The following ASTN2 variants were observed in gnomAD, a reference collection of about 807,000 sequenced individuals.
The protein encoded by ASTN2 is astrotactin 2.
Under a neutral mutation model 139.8 loss-of-function variants are expected in ASTN2, and 54 were observed. The ratio of observed to expected loss-of-function variants is 0.39; its 90% confidence interval spans 0.31 to 0.48. The LOEUF (loss-of-function observed/expected upper bound fraction) is 0.48. Among genes scored for constraint, ASTN2 ranks in the 20% least tolerant of loss-of-function variants. The pLI is 0.95. For missense variants in ASTN2, 1,565 were observed against 1,725.1 expected (o/e 0.91, Z 1.64); for synonymous variants, 756 against 719.5 (o/e 1.05, Z -0.81).
chr9:116,429,894 A>G (rs1847441578), intron 22 of ASTN2, among the ~76,000 whole-genome samples: 1 of 152,204 alleles, frequency 6.6e-6, no homozygotes, highest in Non-Finnish European at 1.5e-5. Context: ...GCCACACCTG[A>G]GCTAGTTCTT....
intron 2 of ASTN2, among the ~76,000 whole-genome samples, chr9:117,264,690 A>C (rs1833902307): frequency 6.6e-6 from 1 of 152,238 alleles, no homozygotes; most frequent in Non-Finnish European, 1.5e-5. Context: ...CTCGGCTTAC[A>C]TCCAAAGTCA....
chr9:116,460,430 A>G (rs1848451938), intron 20 of ASTN2, among the ~76,000 whole-genome samples: 1 of 152,164 alleles, frequency 6.6e-6, no homozygotes, highest in African/African-American at 2.4e-5. Context: ...AACAAACAGA[A>G]AAACCAAAAC....
intron 2 of ASTN2, among the ~76,000 whole-genome samples, chr9:117,267,809 C>T (rs1039037198): frequency 3.3e-5 from 5 of 152,160 alleles, no homozygotes; most frequent in East Asian, 1.9e-4. Context: ...AGGGGAGGAG[C>T]GGGGAGTGAT....
intron 13 of ASTN2, among the ~76,000 whole-genome samples, chr9:116,751,430 T>C (rs765220391): frequency 3.3e-4 from 50 of 152,160 alleles, no homozygotes; most frequent in Admixed American, 1.6e-3. Context: ...TGATATGTAA[T>C]GGGGACAAAA....
chr9:117,025,212 C>A (rs12344386), intron 6 of ASTN2, among the ~76,000 whole-genome samples: 8,496 of 152,160 alleles, frequency 0.056, 720 homozygotes, highest in African/African-American at 0.18. Context: ...TTCATTTGGC[C>A]TGAGGATGAG....
chr9:116,655,084 G>A (rs932863586), intron 16 of ASTN2, among the ~76,000 whole-genome samples: 3 of 152,126 alleles, frequency 2.0e-5, no homozygotes, highest in Non-Finnish European at 4.4e-5. Flanking sequence ...GCTATAATCT[G>A]GTGCAACCCC....
chr9:116,588,119 G>T (rs990748003), intron 19 of ASTN2, among the ~76,000 whole-genome samples: 1 of 151,958 alleles, frequency 6.6e-6, no homozygotes, highest in African/African-American at 2.4e-5. Context: ...TGAGGCACTG[G>T]GCATGAAACA....
At chr9:116,738,495 T>C (rs1224380725) in intron 13 of ASTN2, among the ~76,000 whole-genome samples, 2 of 151,418 alleles carry the variant, frequency 1.3e-5, no homozygotes, top group African/African-American at 2.4e-5. Flanking sequence ...AAAAAAAGAC[T>C]ATGTGTTGGG....
chr9:116,483,086 G>T (rs1471510714), intron 20 of ASTN2, among the ~76,000 whole-genome samples: 1 of 152,220 alleles, frequency 6.6e-6, no homozygotes, highest in Non-Finnish European at 1.5e-5. Flanking sequence ...GACCATGGAT[G>T]CCCAGCCAGG....
chr9:116,775,871 C>T (rs1275393350), intron 13 of ASTN2, among the ~76,000 whole-genome samples: 2 of 151,618 alleles, frequency 1.3e-5, no homozygotes, highest in Non-Finnish European at 2.9e-5. Context: ...CAAGCCAAGC[C>T]TTCAGACATA....
chr9:117,252,937 T>C (rs1833577704), intron 2 of ASTN2, among the ~76,000 whole-genome samples: 1 of 134,424 alleles, frequency 7.4e-6, no homozygotes, highest in Admixed American at 7.3e-5. Flanking sequence ...TACTATGTTA[T>C]ATGTTGTTGT....
chr9:117,259,388 T>G (rs539532725), intron 2 of ASTN2, among the ~76,000 whole-genome samples: 2 of 152,228 alleles, frequency 1.3e-5, no homozygotes, highest in South Asian at 4.2e-4. Context: ...CCTGAAAAAC[T>G]AGTTCAGGCC....
chr9:116,939,495 C>T (rs1835168462), intron 10 of ASTN2, among the ~76,000 whole-genome samples: 1 of 152,144 alleles, frequency 6.6e-6, no homozygotes, highest in Admixed American at 6.5e-5. Flanking sequence ...TTGTAACTCC[C>T]CATCCTTCGT....
chr9:116,661,107 G>C (rs1858531365), intron 16 of ASTN2, among the ~76,000 whole-genome samples: 1 of 152,142 alleles, frequency 6.6e-6, no homozygotes, highest in African/African-American at 2.4e-5. Flanking sequence ...CTGCCCAGTA[G>C]CCTAGTACTG....
At chr9:116,868,048 C>G (rs1833063384) in intron 10 of ASTN2, among the ~76,000 whole-genome samples, 2 of 152,120 alleles carry the variant, frequency 1.3e-5, no homozygotes, top group Admixed American at 6.5e-5. Flanking sequence ...TGGAAGAGCA[C>G]TGGGGGCGGA....
At chr9:116,470,315 G>A (rs1045807372) in intron 20 of ASTN2, among the ~76,000 whole-genome samples, 20 of 152,310 alleles carry the variant, frequency 1.3e-4, no homozygotes, top group Non-Finnish European at 2.2e-4. Flanking sequence ...CTGTGAAGGG[G>A]AAGAGCGCAT....
chr9:116,851,818 C>G (rs1362756229), intron 11 of ASTN2, among the ~76,000 whole-genome samples: 1 of 152,102 alleles, frequency 6.6e-6, no homozygotes, highest in Non-Finnish European at 1.5e-5. Context: ...CATGAAAGAA[C>G]AGCTCTGCAG....
At chr9:116,774,996 G>A (rs942327595) in intron 13 of ASTN2, among the ~76,000 whole-genome samples, 25 of 152,126 alleles carry the variant, frequency 1.6e-4, no homozygotes, top group East Asian at 9.6e-4. Flanking sequence ...CAGTGCCTGC[G>A]TCATTAGCTG....
intron 20 of ASTN2, among the ~76,000 whole-genome samples, chr9:116,485,695 G>C (rs7020341): frequency 0.34 from 52,224 of 152,104 alleles, 9,552 homozygotes; most frequent in South Asian, 0.51. Flanking sequence ...ACGTGGAATT[G>C]CATATTTACT....
Sources: allele counts gnomAD v4.1 joint callset (sites outside exome capture counted in the v4.1 genomes callset), GRCh38; gene constraint gnomAD v4.1.1; transcripts MANE v1.5; gene names NCBI Gene and HGNC (gene_info 2026-07-23, HGNC 2026-07-21).